The following BTBD9 variants were observed in gnomAD, a reference collection of about 807,000 sequenced individuals.
BTBD9 encodes BTB domain containing 9, also known as BTB/POZ domain-containing protein 9.
In BTBD9, 49 loss-of-function variants were observed where a neutral mutation model predicts 64.3. That is an observed-to-expected ratio of 0.76 (90% CI 0.61 to 0.97). The LOEUF (loss-of-function observed/expected upper bound fraction) is 0.97. Ranked by LOEUF, BTBD9 falls within the 50% of genes least tolerant of loss-of-function variation. The pLI, the probability that BTBD9 is intolerant of heterozygous loss-of-function variation, is 0.00. For missense variants in BTBD9, 598 were observed against 762.1 expected (o/e 0.78, Z 2.53); for synonymous variants, 260 against 274.7 (o/e 0.95, Z 0.53).
intron 7 of BTBD9, among the ~76,000 whole-genome samples, chr6:38,312,954 A>G (rs1490202643): frequency 6.6e-6 from 1 of 152,174 alleles, no homozygotes; most frequent in African/African-American, 2.4e-5. Context: ...TGTCATTGGT[A>G]TTTTAATAGG....
chr6:38,328,673 C>T (rs1413159724), intron 7 of BTBD9, among the ~76,000 whole-genome samples: 2 of 148,460 alleles, frequency 1.3e-5, no homozygotes, highest in African/African-American at 2.5e-5. Flanking sequence ...TGGGGCCGGG[C>T]GCGGTGGCTC....
At chr6:38,313,433 G>A (rs1762915066) in intron 7 of BTBD9, among the ~76,000 whole-genome samples, 2 of 152,170 alleles carry the variant, frequency 1.3e-5, no homozygotes. Context: ...CCTAAGTGGT[G>A]AAAGTGGACA....
At chr6:38,233,223 T>C (rs1763672717) in intron 9 of BTBD9, among the ~76,000 whole-genome samples, 1 of 152,202 alleles carries the variant, frequency 6.6e-6, no homozygotes, top group Non-Finnish European at 1.5e-5. Context: ...TCCCAAAATA[T>C]AACTACTTAC....
chr6:38,283,443 T>C (rs1041476423), intron 8 of BTBD9, among the ~76,000 whole-genome samples: 1 of 151,976 alleles, frequency 6.6e-6, no homozygotes, highest in Non-Finnish European at 1.5e-5. Flanking sequence ...AGCCCAGGAG[T>C]TCGAGACCAG....
intron 7 of BTBD9, among the ~76,000 whole-genome samples, chr6:38,318,800 G>A (rs901964347): frequency 6.6e-6 from 1 of 152,124 alleles, no homozygotes; most frequent in Non-Finnish European, 1.5e-5. Flanking sequence ...AGGCCCTAGG[G>A]CTCTACAATC....
intron 6 of BTBD9, among the ~76,000 whole-genome samples, chr6:38,563,776 C>CTTTTTT (rs57927975): frequency 3.2e-4 from 36 of 113,576 alleles, no homozygotes; most frequent in African/African-American, 1.0e-3. Flanking sequence ...GCCTATCTAA[C>CTTTTTT]TTTTTTTTTT....
intron 6 of BTBD9, among the ~76,000 whole-genome samples, chr6:38,384,797 T>C (rs1477450952): frequency 6.6e-6 from 1 of 152,234 alleles, no homozygotes; most frequent in Non-Finnish European, 1.5e-5. Context: ...TCATCCTGTA[T>C]GTCATAAACT....
At chr6:38,216,438 C>T (rs770733826) in intron 9 of BTBD9, among the ~76,000 whole-genome samples, 12 of 152,166 alleles carry the variant, frequency 7.9e-5, no homozygotes, top group Admixed American at 2.0e-4. Context: ...GTCTATCAAG[C>T]CTTCTGCAGA....
chr6:38,237,945 C>A (rs7356828), intron 9 of BTBD9, among the ~76,000 whole-genome samples: 15,169 of 151,978 alleles, frequency 0.1, 1,163 homozygotes, highest in East Asian at 0.45. Context: ...CGAGACCAGC[C>A]TGGGCAATAA....
At chr6:38,291,203 C>T (rs1287020135) in intron 7 of BTBD9, among the ~76,000 whole-genome samples, 2 of 152,176 alleles carry the variant, frequency 1.3e-5, no homozygotes, top group Non-Finnish European at 2.9e-5. Flanking sequence ...TTGAAGAGGT[C>T]CTTTACATCC....
chr6:38,597,071 G>C (rs548630431), intron 2 of BTBD9, among the ~76,000 whole-genome samples: 1 of 152,162 alleles, frequency 6.6e-6, no homozygotes, highest in South Asian at 2.1e-4. Flanking sequence ...GGAAGTTCAT[G>C]AAAAACCATA....
intron 7 of BTBD9, among the ~76,000 whole-genome samples, chr6:38,340,227 T>C (rs1459538292): frequency 6.6e-6 from 1 of 152,202 alleles, no homozygotes; most frequent in East Asian, 1.9e-4. Flanking sequence ...GGTCTAGAAA[T>C]AGCAGCAAAC....
intron 6 of BTBD9, among the ~76,000 whole-genome samples, chr6:38,388,374 T>C (rs1486506767): frequency 6.6e-6 from 1 of 152,224 alleles, no homozygotes; most frequent in Non-Finnish European, 1.5e-5. Flanking sequence ...AGGGGCTGTT[T>C]TGTTCTGTTT....
intron 6 of BTBD9, among the ~76,000 whole-genome samples, chr6:38,407,957 T>C (rs1228549277): frequency 6.6e-6 from 1 of 152,212 alleles, no homozygotes; most frequent in Non-Finnish European, 1.5e-5. Flanking sequence ...TGCTTTCTTT[T>C]TGGAGATAAT....
At chr6:38,597,532 A>G (rs991185039) in intron 2 of BTBD9, among the ~76,000 whole-genome samples, 1 of 152,188 alleles carries the variant, frequency 6.6e-6, no homozygotes. Flanking sequence ...CAAGGGGTAT[A>G]TGTGTCCATT....
intron 6 of BTBD9, among the ~76,000 whole-genome samples, chr6:38,418,715 T>C (rs973530712): frequency 2.0e-5 from 3 of 152,258 alleles, no homozygotes; most frequent in East Asian, 3.8e-4. Flanking sequence ...GTGTACTATA[T>C]GTATAACTGT....
chr6:38,520,814 G>T (rs1202012069), intron 6 of BTBD9, among the ~76,000 whole-genome samples: 1 of 151,952 alleles, frequency 6.6e-6, no homozygotes, highest in African/African-American at 2.4e-5. Flanking sequence ...AGGCCTGGTG[G>T]CGCATGCTTG....
chr6:38,207,225 A>G, intron 9 of BTBD9: 1 of 199,988 alleles, frequency 5.0e-6, no homozygotes, highest in Non-Finnish European at 1.1e-5. Flanking sequence ...GAGGGAGGAA[A>G]TGCAAGAGAT....
chr6:38,225,231 C>G (rs916207700), intron 9 of BTBD9, among the ~76,000 whole-genome samples: 6 of 152,210 alleles, frequency 3.9e-5, no homozygotes, highest in Non-Finnish European at 1.5e-5. Context: ...ATGCCATGGA[C>G]AAATGGAATA....
Sources: allele counts gnomAD v4.1 joint callset (sites outside exome capture counted in the v4.1 genomes callset), GRCh38; gene constraint gnomAD v4.1.1; transcripts MANE v1.5; gene names NCBI Gene and HGNC (gene_info 2026-07-23, HGNC 2026-07-21).